Variants in ZC3H6 observed in about 807,000 individuals in gnomAD.
ZC3H6 encodes zinc finger CCCH domain-containing protein 6.
In ZC3H6, 40 loss-of-function variants were observed where a neutral mutation model predicts 107.7. The observed-to-expected ratio is 0.37, with a 90% CI of 0.29 to 0.48. ZC3H6 has a LOEUF of 0.48. ZC3H6 is among the 20% of genes least tolerant of loss of function. The pLI is 0.98. For missense variants in ZC3H6, 1,267 were observed against 1,410.4 expected, an observed-to-expected ratio of 0.90 and a Z score of 1.63; for synonymous variants, 493 against 487.9, an observed-to-expected ratio of 1.01 and a Z score of -0.14.
In ZC3H6 at chr2:112,338,152, G is replaced by A. The variant is rs1677165946; in HGVS notation, c.*5664G>A. On this transcript the variant is annotated 3_prime_UTR_variant, in exon 12 of 12. Coordinates refer to ENST00000409871, the MANE Select transcript of ZC3H6 (RefSeq NM_198581.3). ...TTTGGTAGAGACACAGTTTCATCATGTTGGCCCGGCTGGTCTCAAACTCCT... is the reference window on the plus strand; with the variant it reads ...TTTGGTAGAGACACAGTTTCATCATATTGGCCCGGCTGGTCTCAAACTCCT... 6.6e-6 allele frequency: 1 copy of A among 151,932 alleles called. No homozygotes were observed. The highest frequency in any genetic ancestry group is 2.4e-5 in the African/African-American group (1 of 41,320). The allele number at this position is 151,932 out of a possible 1,614,324, so 9.4% of individuals were successfully genotyped here.
chr2:112,324,227 C>G lies in ZC3H6; in HGVS notation c.1416C>G (p.Ile472Met), dbSNP rs747641438. 1.7e-5 allele frequency: 27 copies of G among 1,612,360 alleles called. No homozygotes were observed. The East Asian group carries it at 5.6e-4, about 33-fold the overall frequency. ...FQGSSPHPQHIYSSGSSPGPG... is the reference protein window; with the variant it reads ...FQGSSPHPQHMYSSGSSPGPG... ...GAAGCAGTCCACACCCTCAACATAT[C>G]TATAGTTCTGGGTCAAGTCCAGGTC... is the stretch of plus-strand genomic sequence containing the variant. Residue 472 changes from isoleucine to methionine, a missense_variant, in exon 10 of 12, where the codon ATC (isoleucine) becomes ATG (methionine). By Grantham distance (10) the Ile-to-Met change is conservative (BLOSUM62 1). Transcript: ENST00000409871.
rs985954712 is a variant in ZC3H6 at position 112,335,777 on chromosome 2, G to A, written c.*3289G>A. On this transcript the variant is annotated 3_prime_UTR_variant, in exon 12 of 12. Coordinates refer to ENST00000409871, the MANE Select transcript of ZC3H6 (RefSeq NM_198581.3). ...ACACAACAGTAGAATTTCCTGAGAGGTTGAGTGAATATTAACCCATCAAGT... is the reference window on the plus strand; with the variant it reads ...ACACAACAGTAGAATTTCCTGAGAGATTGAGTGAATATTAACCCATCAAGT... 4 of 152,112 alleles carry A rather than the reference G, an allele frequency of 2.6e-5. No individual in the cohort carries two copies. The highest frequency in any genetic ancestry group is 9.7e-5 in the African/African-American group (4 of 41,404). The allele number at this position is 152,112 out of a possible 1,614,324, so 9.4% of individuals were successfully genotyped here. A position where few individuals can be genotyped will look rare whatever the true frequency, so the allele number is the denominator to read the frequency against.
At chr2:112,301,644 G>A (rs1278070347) in intron 2 of ZC3H6, among the ~76,000 whole-genome samples, 1 of 151,582 alleles carries the variant, frequency 6.6e-6, no homozygotes, top group Non-Finnish European at 1.5e-5. Flanking sequence ...TGCCCACAAA[G>A]CATATGAAAA....
At chr2:112,282,092 T>G (rs1033707643) in intron 1 of ZC3H6, among the ~76,000 whole-genome samples, 3 of 152,234 alleles carry the variant, frequency 2.0e-5, no homozygotes, top group African/African-American at 4.8e-5. Context: ...TCATAGTTTC[T>G]TGGCAAACTC....
Position 112,331,402 on chromosome 2 carries a change from A to C in ZC3H6, c.2484A>C (p.Thr828=). ...HKRGDDDDED[T]ERELREKAFL... ...GAGGCGATGATGATGATGAAGATAC[A>C]GAAAGAGAACTGAGAGAAAAAGCTT... is the stretch of plus-strand genomic sequence containing the variant. The change falls in exon 12 of 12, where the codon ACA becomes ACC. Residue 828 remains threonine (T), a synonymous_variant. Transcript: ENST00000409871. 2 of 1,613,710 alleles carry C rather than the reference A, an allele frequency of 1.2e-6. No individual in the cohort carries two copies. Among genetic ancestry groups the C allele is most frequent in the South Asian group, 2.2e-5 (2 of 91,036 alleles).
At position 112,324,222 on chromosome 2, in the gene ZC3H6, C is replaced by A; in HGVS notation, c.1411C>A (p.His471Asn). The A allele has an allele frequency of 6.2e-7, 1 of 1,610,118 alleles. No individual in the cohort carries two copies. The highest frequency in any genetic ancestry group is 1.7e-5 in the Admixed American group (1 of 59,982). ...QFQGSSPHPQHIYSSGSSPGP... is the reference protein window; with the variant it reads ...QFQGSSPHPQNIYSSGSSPGP... ...TCAGGGAAGCAGTCCACACCCTCAA[C>A]ATATCTATAGTTCTGGGTCAAGTCC... Residue 471 changes from histidine to asparagine, a missense_variant, in exon 10 of 12, where the codon CAT becomes AAT. Physicochemically the swap from His to Asn is moderately conservative, Grantham distance 68 (BLOSUM62 1). Transcript: ENST00000409871.
At chr2:112,301,825 A>G (rs1287890861) in intron 2 of ZC3H6, among the ~76,000 whole-genome samples, 1 of 152,082 alleles carries the variant, frequency 6.6e-6, no homozygotes. Flanking sequence ...AAAAAAGATC[A>G]ACAACATATA....
At chr2:112,297,424 A>G (rs1216155368) in intron 1 of ZC3H6, among the ~76,000 whole-genome samples, 1 of 152,224 alleles carries the variant, frequency 6.6e-6, no homozygotes, top group Non-Finnish European at 1.5e-5. Flanking sequence ...ATTTATACAT[A>G]GACAGTTACC....
intron 1 of ZC3H6, among the ~76,000 whole-genome samples, chr2:112,293,526 A>G (rs1335186783): frequency 1.3e-5 from 2 of 152,252 alleles, no homozygotes; most frequent in Admixed American, 6.5e-5. Flanking sequence ...TGGAGATACA[A>G]AAAGCCATCC....
At chr2:112,286,594 C>T (rs942190071) in intron 1 of ZC3H6, among the ~76,000 whole-genome samples, 2 of 152,214 alleles carry the variant, frequency 1.3e-5, no homozygotes, top group African/African-American at 4.8e-5. Flanking sequence ...CACAACACCA[C>T]GCCCAGCTAA....
chr2:112,338,901 A>G lies in ZC3H6; in HGVS notation c.*6413A>G, dbSNP rs1343458955. Reference sequence around the variant, plus strand: ...TATATATATATATATATATATATATATATATATATATAATTTTTTTTTTTT... The same window carrying G: ...TATATATATATATATATATATATATGTATATATATATAATTTTTTTTTTTT... On this transcript the variant is annotated 3_prime_UTR_variant, in exon 12 of 12. Transcript: ENST00000409871. 4.0e-4 allele frequency: 26 copies of G among 65,406 alleles called. No individual in the cohort carries two copies. Among genetic ancestry groups the G allele is most frequent in the African/African-American group, 6.1e-4 (9 of 14,812 alleles). 4.1% of individuals were successfully genotyped at this position (65,406 alleles called of 1,614,324 possible).
At chr2:112,294,166 C>G (rs919009043) in intron 1 of ZC3H6, among the ~76,000 whole-genome samples, 8 of 152,156 alleles carry the variant, frequency 5.3e-5, no homozygotes, top group Non-Finnish European at 8.8e-5. Flanking sequence ...AGCATTCTGC[C>G]AAAGCTTAGG....
rs1488045934 is a variant in ZC3H6, at chr2:112,324,534, T to C, written c.1723T>C (p.Tyr575His). Residue 575 changes from tyrosine to histidine, a missense_variant, in exon 10 of 12, where the codon TAC becomes CAC. Tyr to His is a moderately conservative substitution (Grantham distance 83, BLOSUM62 2). Coordinates refer to ENST00000409871, the MANE Select transcript of ZC3H6 (RefSeq NM_198581.3). ...GAATCACTGTTCTCCAGGTTCATCA[T>C]ACCAGCAAAGTCCTGGTGAAATGCA... ...RENHCSPGSS[Y>H]QQSPGEMQLN... 1.9e-6 allele frequency: 3 copies of C among 1,612,812 alleles called. No homozygotes were observed. The highest frequency in any genetic ancestry group is 1.3e-5 in the African/African-American group (1 of 74,940).
At chr2:112,276,258 C>T (rs1444235825) in intron 1 of ZC3H6, among the ~76,000 whole-genome samples, 1 of 148,952 alleles carries the variant, frequency 6.7e-6, no homozygotes, top group South Asian at 2.1e-4. Context: ...CCGGCCCCGC[C>T]CCCGGCCGGG....
At chr2:112,313,270 G>A (rs1469184520) in intron 5 of ZC3H6, among the ~76,000 whole-genome samples, 1 of 152,048 alleles carries the variant, frequency 6.6e-6, no homozygotes, top group Non-Finnish European at 1.5e-5. Context: ...AATTACTATG[G>A]TTATTATTTT....
At chr2:112,284,098 G>A (rs1180565979) in intron 1 of ZC3H6, among the ~76,000 whole-genome samples, 2 of 152,140 alleles carry the variant, frequency 1.3e-5, no homozygotes, top group Admixed American at 6.5e-5. Context: ...TTTCTTGCAT[G>A]GATTTTTCTT....
intron 7 of ZC3H6, among the ~76,000 whole-genome samples, chr2:112,319,631 G>A (rs1217951116): frequency 2.0e-5 from 3 of 151,712 alleles, no homozygotes; most frequent in East Asian, 1.9e-4. Flanking sequence ...GAGCAACAGA[G>A]CAAGACTCTG....
intron 1 of ZC3H6, among the ~76,000 whole-genome samples, chr2:112,285,192 T>TAA (rs1238849863): frequency 1.3e-5 from 2 of 152,194 alleles, no homozygotes; most frequent in African/African-American, 2.4e-5. Flanking sequence ...CTTTCGTACA[T>TAA]AAATAGCATT....
intron 1 of ZC3H6, among the ~76,000 whole-genome samples, chr2:112,297,034 A>G (rs1351764905): frequency 6.6e-6 from 1 of 152,220 alleles, no homozygotes; most frequent in African/African-American, 2.4e-5. Flanking sequence ...GGCTGGTGAC[A>G]TGAGCTGGGC....
Sources: gnomAD v4.1 joint callset for allele counts (sites outside exome capture counted in the v4.1 genomes callset) on GRCh38, gnomAD v4.1.1 for gene constraint, MANE v1.5 for transcripts, NCBI Gene and HGNC (gene_info 2026-07-23, HGNC 2026-07-21) for gene names.